Variants in ZNF185 observed in about 807,000 individuals in gnomAD.
ZNF185 encodes zinc finger protein 185.
Under a neutral mutation model 58.6 loss-of-function variants are expected in ZNF185, and 56 were observed. The ratio of observed to expected loss-of-function variants is 0.95; its 90% CI spans 0.77 to 1.19. The LOEUF is 1.19. Ranked by LOEUF, ZNF185 falls within the 50% of genes most tolerant of loss-of-function variation. The probability of loss-of-function intolerance (pLI) is 0.00; values close to 1 mark genes in which losing one functional copy is unlikely to be tolerated. For synonymous variants in ZNF185, 230 were observed against 215.9 expected (o/e 1.07, Z -0.57); for missense variants, 627 against 573.5 (o/e 1.09, Z -0.95).
upstream of ZNF185, among the ~76,000 whole-genome samples, chrX:152,912,528 C>A (rs782105248): frequency 8.9e-6 from 1 of 111,805 alleles, no homozygotes; most frequent in South Asian, 3.7e-4. Flanking sequence ...GGGATGGAGT[C>A]CACCCCCGAA....
chrX:152,963,229 C>T (rs2049732231), intron 17 of ZNF185, among the ~76,000 whole-genome samples: 1 of 113,008 alleles, frequency 8.8e-6, no homozygotes, highest in Non-Finnish European at 1.9e-5. Context: ...GAGAAAAGCC[C>T]TTTTGGGCTG....
chrX:152,927,977 C>T (rs1303466014), intron 11 of ZNF185, among the ~76,000 whole-genome samples: 4 of 112,802 alleles, frequency 3.5e-5, no homozygotes, highest in African/African-American at 9.7e-5. Flanking sequence ...GCCTGCTGGG[C>T]GTCATGCCTT....
chrX:152,961,234 C>G (rs939007319), intron 17 of ZNF185, among the ~76,000 whole-genome samples: 7 of 111,850 alleles, frequency 6.3e-5, no homozygotes, highest in Non-Finnish European at 1.9e-5. Context: ...TGATCCATTG[C>G]TTTGATAGGG....
At chrX:152,921,532 C>T (rs138655995) in intron 9 of ZNF185, among the ~76,000 whole-genome samples, 3 of 4,840 alleles carry the variant, frequency 6.2e-4, no homozygotes, top group African/African-American at 8.7e-4. Flanking sequence ...GAACGGGGGG[C>T]GGTGGGGGGG....
intron 7 of ZNF185, among the ~76,000 whole-genome samples, chrX:152,919,670 T>C (rs1321670001): frequency 1.8e-5 from 2 of 112,489 alleles, no homozygotes; most frequent in East Asian, 5.6e-4. Flanking sequence ...TGGTGAACTA[T>C]GACAGGAAGG....
At chrX:152,957,249 A>G (rs1193162002) in intron 16 of ZNF185, among the ~76,000 whole-genome samples, 1 of 95,690 alleles carries the variant, frequency 1.0e-5, no homozygotes, top group African/African-American at 4.3e-5. Flanking sequence ...TTTTTTTTGT[A>G]TGTTAGTAGA....
chrX:152,913,343 C>T (rs1380594160), upstream of ZNF185, among the ~76,000 whole-genome samples: 1 of 112,266 alleles, frequency 8.9e-6, no homozygotes, highest in African/African-American at 3.2e-5. Context: ...AGCTCTGGGT[C>T]GCTCCCAGCC....
intron 16 of ZNF185, among the ~76,000 whole-genome samples, chrX:152,956,208 G>A (rs1321329842): frequency 1.8e-5 from 2 of 111,815 alleles, no homozygotes; most frequent in African/African-American, 6.5e-5. Context: ...AATACCCAGA[G>A]TTTGAAGTAT....
intron 11 of ZNF185, among the ~76,000 whole-genome samples, chrX:152,924,312 G>C (rs1940405334): frequency 9.1e-6 from 1 of 110,067 alleles, no homozygotes; most frequent in Admixed American, 9.7e-5. Flanking sequence ...GTAGAGACAG[G>C]GTTTCACCAT....
intron 14 of ZNF185, 21 bp from the exon 17 acceptor site, chrX:152,938,053 G>A: frequency 1.7e-6 from 2 of 1,167,636 alleles, no homozygotes; most frequent in Middle Eastern, 4.7e-4. Flanking sequence ...GATCTCAGCA[G>A]GCCTGTGTTT....
At chrX:152,898,145 G>GCGCCTGCCTC in the ZNF185 span, among the ~76,000 whole-genome samples, 17 of 107,356 alleles carry the variant, frequency 1.6e-4, no homozygotes, top group Non-Finnish European at 3.3e-4. Flanking sequence ...CCCCGGCCCG[G>GCGCCTGCCTC]CCCGGCCCGG....
At chrX:152,970,360 C>T (rs2050559918) in intron 21 of ZNF185, 83 bp from the exon 24 acceptor site, 2 of 927,610 alleles carry the variant, frequency 2.2e-6, no homozygotes, top group Admixed American at 2.3e-5. Flanking sequence ...GCTCGCCCAC[C>T]TTGTTCAGGC....
intron 10 of ZNF185, 115 bp from the exon 12 acceptor site, chrX:152,922,605 T>C: frequency 2.9e-6 from 2 of 686,678 alleles, no homozygotes; most frequent in Non-Finnish European, 4.4e-6. Context: ...ACCATGGCAG[T>C]AGCATGCCAT....
chrX:152,922,561 A>G (rs1409907982), intron 10 of ZNF185, among the ~76,000 whole-genome samples, 159 bp from the exon 12 acceptor site: 1 of 111,965 alleles, frequency 8.9e-6, no homozygotes, highest in Admixed American at 9.4e-5. Context: ...ACCCCAAGAA[A>G]AAGTACCATC....
chrX:152,951,891 T>C (rs939076789), intron 16 of ZNF185, among the ~76,000 whole-genome samples: 3 of 112,244 alleles, frequency 2.7e-5, no homozygotes, highest in Non-Finnish European at 3.8e-5. Context: ...ATAAATGATA[T>C]TTAATGAATT....
chrX:152,961,370 T>C (rs2049450713), intron 17 of ZNF185, among the ~76,000 whole-genome samples: 1 of 112,266 alleles, frequency 8.9e-6, no homozygotes, highest in Non-Finnish European at 1.9e-5. Flanking sequence ...ACCTAACACA[T>C]GGGATGCATG....
intron 13 of ZNF185, among the ~76,000 whole-genome samples, chrX:152,932,636 C>T (rs1015918465): frequency 2.7e-5 from 3 of 112,034 alleles, no homozygotes; most frequent in African/African-American, 6.5e-5. Context: ...CCACCACCAA[C>T]GAACTAACCT....
upstream of ZNF185, among the ~76,000 whole-genome samples, chrX:152,912,785 C>T (rs1937569466): frequency 8.9e-6 from 1 of 112,450 alleles, no homozygotes; most frequent in Admixed American, 9.3e-5. Context: ...TCAGTGGCAC[C>T]CAGAGACTCT....
At chrX:152,958,583 C>A (rs1419019122) in intron 16 of ZNF185, among the ~76,000 whole-genome samples, 1 of 110,237 alleles carries the variant, frequency 9.1e-6, no homozygotes, top group African/African-American at 3.3e-5. Context: ...AGGTGAAGCC[C>A]CGTCTCTACT....
Sources: gnomAD v4.1 joint callset for allele counts (sites outside exome capture counted in the v4.1 genomes callset) on GRCh38, gnomAD v4.1.1 for gene constraint, MANE v1.5 for transcripts, NCBI Gene and HGNC (gene_info 2026-07-23, HGNC 2026-07-21) for gene names.